Variants in POLN observed in about 807,000 individuals in gnomAD.
The protein encoded by POLN is DNA polymerase N.
Under a neutral mutation model 113.5 loss-of-function variants are expected in POLN, and 108 were observed. The ratio of observed to expected loss-of-function variants is 0.95; its 90% CI spans 0.81 to 1.12. The LOEUF is 1.12. Ranked by LOEUF, POLN falls within the 50% of genes most tolerant of loss-of-function variation. The pLI, the probability that POLN is intolerant of heterozygous loss-of-function variation, is 0.00. For synonymous variants in POLN, 386 were observed against 391.5 expected, an observed-to-expected ratio of 0.99 and a Z score of 0.17; for missense variants, 1,097 against 1,077.1, an observed-to-expected ratio of 1.02 and a Z score of -0.26.
At chr4:2,172,397 AATG>A (rs34719710) in intron 11 of POLN, among the ~76,000 whole-genome samples, 114,215 of 151,758 alleles carry the variant, frequency 0.75, 45,512 homozygotes, top group Non-Finnish European at 0.89. Flanking sequence ...CGCCTCCAAC[AATG>A]ATAATTCTTT....
At chr4:2,216,728 T>A (rs116685878) in intron 3 of POLN, among the ~76,000 whole-genome samples, 79 of 152,364 alleles carry the variant, frequency 5.2e-4, no homozygotes, top group Admixed American at 9.1e-4. Flanking sequence ...CTGGCCAAGA[T>A]GAATCACTGT....
chr4:2,130,632 C>A (rs1231440856), intron 17 of POLN, among the ~76,000 whole-genome samples: 1 of 152,138 alleles, frequency 6.6e-6, no homozygotes, highest in African/African-American at 2.4e-5. Context: ...CTTTAATAAG[C>A]ACCAGTGCTA....
At chr4:2,078,968 T>C in intron 23 of POLN, 8 of 974,602 alleles carry the variant, frequency 8.2e-6, no homozygotes, top group Non-Finnish European at 9.8e-6. Flanking sequence ...CTTGCCCTGT[T>C]GCCCAGGCTG....
At position 2,156,798 on chromosome 4, in the gene POLN, G is replaced by A; in HGVS notation, c.1721C>T (p.Ala574Val). The A allele has an allele frequency of 1.9e-6, 3 of 1,612,372 alleles. No homozygotes were observed. Among genetic ancestry groups the A allele is most frequent in the Non-Finnish European group, 2.5e-6 (3 of 1,178,360 alleles). ...GTTTAAACAACTTACAGGATGCTTGGCTGAAAGTCTTCCAGTCACAGTTCC... is the reference window on the plus strand; with the variant it reads ...GTTTAAACAACTTACAGGATGCTTGACTGAAAGTCTTCCAGTCACAGTTCC... ...QTGTVTGRLS[A>V]KHPNIQGISK... Residue 574 changes from alanine (A) to valine (V), a missense_variant, in exon 16 of 26, where the codon GCC becomes GTC. By Grantham distance (64) the Ala-to-Val change is moderately conservative. Transcript: ENST00000511885.
At chr4:2,146,643 C>T (rs1211841956) in intron 16 of POLN, among the ~76,000 whole-genome samples, 1 of 151,872 alleles carries the variant, frequency 6.6e-6, no homozygotes, top group African/African-American at 2.4e-5. Flanking sequence ...TGGGGAGGGG[C>T]AGGCAGATAG....
At chr4:2,199,574 AC>A (rs1687831245) in intron 5 of POLN, among the ~76,000 whole-genome samples, 1 of 152,032 alleles carries the variant, frequency 6.6e-6, no homozygotes, top group South Asian at 2.1e-4. Context: ...GTATATATAT[AC>A]TTTTATTTTA....
chr4:2,160,223 T>G (rs766967854), intron 13 of POLN, among the ~76,000 whole-genome samples: 3 of 152,226 alleles, frequency 2.0e-5, no homozygotes, highest in Non-Finnish European at 2.9e-5. Context: ...TTGGACACTA[T>G]TCATATATTT....
At chr4:2,207,796 C>T (rs1733888750) in intron 5 of POLN, among the ~76,000 whole-genome samples, 191 bp downstream of exon 5, 2 of 152,176 alleles carry the variant, frequency 1.3e-5, no homozygotes, top group Admixed American at 1.3e-4. Flanking sequence ...AAATGGTACA[C>T]CCACTCTGGA....
At chr4:2,083,279 C>T (rs897974825) in intron 21 of POLN, among the ~76,000 whole-genome samples, 1 of 152,214 alleles carries the variant, frequency 6.6e-6, no homozygotes, top group Admixed American at 6.5e-5. Flanking sequence ...AAGTCTGGAT[C>T]CACGTCTCCT....
At chr4:2,104,259 G>C (rs1286871631) in intron 19 of POLN, among the ~76,000 whole-genome samples, 1 of 152,232 alleles carries the variant, frequency 6.6e-6, no homozygotes, top group Non-Finnish European at 1.5e-5. Context: ...ACAATCCACT[G>C]TATGGATAGA....
chr4:2,156,390 T>C (rs371448496), intron 16 of POLN: 2 of 404,136 alleles, frequency 4.9e-6, no homozygotes, highest in Non-Finnish European at 9.6e-6. Flanking sequence ...TTTTTTTTTT[T>C]CTTCATCAGA....
intron 7 of POLN, among the ~76,000 whole-genome samples, chr4:2,189,563 C>T (rs1268507158): frequency 6.6e-5 from 10 of 150,474 alleles, no homozygotes; most frequent in Admixed American, 4.0e-4. Flanking sequence ...GGCGTGAACC[C>T]AGGAGGCAGA....
chr4:2,193,447 A>G lies in POLN; in HGVS notation c.909-131T>C, dbSNP rs1577759297. 3 of 593,002 alleles carry G rather than the reference A, an allele frequency of 5.1e-6. No individual in the cohort carries two copies. In the East Asian group the frequency reaches 9.6e-5, roughly 19 times the overall value. 36.7% of individuals were successfully genotyped at this position (593,002 alleles called of 1,614,324 possible). A position where few individuals can be genotyped will look rare whatever the true frequency, so the allele number is the denominator to read the frequency against. ...TACACACATTCACTAAAGAATTCCA[A>G]GAGGTCACTGTTATTTATCATCTGC... On this transcript the variant is annotated intron_variant, in intron 6 of 25. Coordinates refer to ENST00000511885, the MANE Select transcript of POLN (RefSeq NM_181808.4).
rs978390148 is a variant in POLN, at chr4:2,093,537, G to A, written c.2065+2314C>T. On this transcript the variant is annotated intron_variant, in intron 20 of 25. Coordinates refer to ENST00000511885, the MANE Select transcript of POLN (RefSeq NM_181808.4). This position sits in a 1 kb window ranked among gnomAD's most constrained non-coding sequence, Gnocchi z 4.1. ...GGTTGGGGATCAAGCCCAGGCTGCCGGGCCCAGGACTGGGGAGGTGATGTC... is the reference window on the plus strand; with the variant it reads ...GGTTGGGGATCAAGCCCAGGCTGCCAGGCCCAGGACTGGGGAGGTGATGTC... 9.2e-5 allele frequency among the ~76,000 whole-genome samples: 14 copies of A among 152,196 alleles called. No homozygotes were observed. The South Asian group carries it at 1.2e-3, about 14-fold the overall frequency.
chr4:2,159,076 G>C, intron 14 of POLN, 79 bp downstream of exon 14: 1 of 1,097,886 alleles, frequency 9.1e-7, no homozygotes, highest in South Asian at 1.3e-5. Context: ...AGCCATTATG[G>C]ATTTGTGTTG....
intron 16 of POLN, among the ~76,000 whole-genome samples, chr4:2,148,227 T>G (rs555049486): frequency 2.6e-5 from 4 of 151,972 alleles, no homozygotes; most frequent in Non-Finnish European, 5.9e-5. Context: ...CTATTCAAAT[T>G]GAAACAGAAG....
intron 2 of POLN, among the ~76,000 whole-genome samples, chr4:2,235,948 TAC>T (rs961996362): frequency 2.0e-5 from 3 of 152,108 alleles, no homozygotes; most frequent in Admixed American, 6.6e-5. Flanking sequence ...GAAAAAAAAA[TAC>T]AGAGGCGGTT....
rs1321435972 is a variant in POLN at position 2,126,392 on chromosome 4, C to T, written c.1982+1721G>A. The stretch of plus-strand genomic sequence containing the variant: ...ATTTTCTGATTCAAACGCAAGTTTG[C>T]GTTCTATACTATTCATTCATTTATT... On this transcript the variant is annotated intron_variant, in intron 19 of 25. Coordinates refer to ENST00000511885, the MANE Select transcript of POLN (RefSeq NM_181808.4). This position sits in a 1 kb window ranked among gnomAD's most constrained non-coding sequence, Gnocchi z 4.6. 1.3e-5 allele frequency among the ~76,000 whole-genome samples: 2 copies of T among 152,170 alleles called. No homozygotes were observed. Among genetic ancestry groups the T allele is most frequent in the African/African-American group, 2.4e-5 (1 of 41,438 alleles).
At chr4:2,072,603 T>A (rs1560959003) in intron 25 of POLN, among the ~76,000 whole-genome samples, 2 of 152,062 alleles carry the variant, frequency 1.3e-5, no homozygotes, top group Non-Finnish European at 2.9e-5. Context: ...CTTGGATGGG[T>A]GGGTGTGTCC....
Sources: gnomAD v4.1 joint callset for allele counts (sites outside exome capture counted in the v4.1 genomes callset) on GRCh38, gnomAD v4.1.1 for gene constraint, Gnocchi (gnomAD v3.1) non-coding constraint, MANE v1.5 for transcripts, NCBI Gene and HGNC (gene_info 2026-07-23, HGNC 2026-07-21) for gene names.